Variants in GRM5 observed in about 807,000 individuals in gnomAD.
The protein encoded by GRM5 is glutamate metabotropic receptor 5, also known as metabotropic glutamate receptor 5.
In GRM5, 19 loss-of-function variants were observed where a neutral mutation model predicts 83.1. That is an observed-to-expected ratio of 0.23 (90% CI 0.16 to 0.34). GRM5 has a LOEUF of 0.34. GRM5 is among the 10% of genes least tolerant of loss of function. The pLI is 1.00. For missense variants in GRM5, 1,160 were observed against 1,588.3 expected, an observed-to-expected ratio of 0.73 and a Z score of 4.58; for synonymous variants, 675 against 633.6, an observed-to-expected ratio of 1.07 and a Z score of -0.98.
chr11:88,643,658 G>T (rs1223195196), intron 4 of GRM5, among the ~76,000 whole-genome samples: 1 of 152,052 alleles, frequency 6.6e-6, no homozygotes, highest in South Asian at 2.1e-4. Context: ...CTCAAATCTG[G>T]GTGTTAGCTG....
At chr11:89,011,651 A>G (rs1358584232) in intron 2 of GRM5, among the ~76,000 whole-genome samples, 1 of 152,204 alleles carries the variant, frequency 6.6e-6, no homozygotes, top group Admixed American at 6.5e-5. Flanking sequence ...GAGATGATAT[A>G]CTTGATAAGG....
rs1160205507 is a variant in GRM5, at chr11:88,967,231, G to GTATATATATATATACACATA, written c.661+79961_661+79980dup. On this transcript the variant is annotated intron_variant, in intron 2 of 9. Coordinates refer to ENST00000305447, the MANE Select transcript of GRM5 (RefSeq NM_001143831.3). The stretch of plus-strand genomic sequence containing the variant: ...TGTGTGTGTATATATGTGTGTGTAT[G>GTATATATATATATACACATA]TATATATATATATACACATATATAT... Among the ~76,000 whole-genome samples the GTATATATATATATACACATA allele has an allele frequency of 3.0e-5, 4 of 133,612 alleles. No individual in the cohort carries two copies. The Admixed American group carries it at 3.2e-4, about 11-fold the overall frequency. The allele number at this position is 133,612 out of a possible 152,430, so 87.7% of individuals were successfully genotyped here. A position where few individuals can be genotyped will look rare whatever the true frequency, so the allele number is the denominator to read the frequency against.
chr11:88,950,516 A>AT (rs1938424547), intron 2 of GRM5, among the ~76,000 whole-genome samples: 1 of 152,100 alleles, frequency 6.6e-6, no homozygotes, highest in Non-Finnish European at 1.5e-5. Flanking sequence ...AATGATAAGA[A>AT]TAAAAAAAAA....
At chr11:88,838,945 AG>A (rs1944143194) in intron 3 of GRM5, among the ~76,000 whole-genome samples, 2 of 151,388 alleles carry the variant, frequency 1.3e-5, no homozygotes, top group African/African-American at 4.9e-5. Context: ...CTCCAAATTT[AG>A]GAAGAAAGGC....
rs975609879 is a variant in GRM5 at position 88,899,859 on chromosome 11, G to A, written c.662-49704C>T. ...GCTGATTAAATTTATATGCAATTTT[G>A]GTAAGACATTGTTTTCTAGTTCCAC... On this transcript the variant is annotated intron_variant, in intron 2 of 9. Transcript: ENST00000305447. Among the ~76,000 whole-genome samples, 22 of 151,918 alleles carry A rather than the reference G, an allele frequency of 1.4e-4. 1 individual carries two copies. The highest frequency in any genetic ancestry group is 6.6e-5 in the Admixed American group (1 of 15,214).
Position 89,017,365 on chromosome 11 carries a change from A to G in GRM5, c.661+29847T>C, listed in dbSNP as rs556116282. Among the ~76,000 whole-genome samples, 14 of 152,348 alleles carry G rather than the reference A, an allele frequency of 9.2e-5. No individual in the cohort carries two copies. In the South Asian group the frequency reaches 2.3e-3, roughly 25 times the overall value. ...GTCATTCTTGAGACAGATTCATTCA[A>G]CAAAATTAAAAAACAAACAAGGCAT... On this transcript the variant is annotated intron_variant, in intron 2 of 9. Transcript: ENST00000305447.
intron 3 of GRM5, among the ~76,000 whole-genome samples, chr11:88,779,076 A>T (rs1942920837): frequency 6.6e-6 from 1 of 152,212 alleles, no homozygotes; most frequent in East Asian, 1.9e-4. Flanking sequence ...ATAGATGAAG[A>T]ACCTGATGCT....
chr11:89,046,211 G>T (rs1351375539), intron 2 of GRM5, among the ~76,000 whole-genome samples: 1 of 152,170 alleles, frequency 6.6e-6, no homozygotes, highest in Admixed American at 6.6e-5. Context: ...AACCTCTGAA[G>T]TGGGGTTAGT....
At chr11:88,564,618 C>G (rs1290844761) in intron 8 of GRM5, among the ~76,000 whole-genome samples, 1 of 151,956 alleles carries the variant, frequency 6.6e-6, no homozygotes, top group Non-Finnish European at 1.5e-5. Context: ...CATTTGAAGA[C>G]AAGCAAAAAA....
chr11:88,929,759 T>C (rs544176392), intron 2 of GRM5, among the ~76,000 whole-genome samples: 1 of 152,272 alleles, frequency 6.6e-6, no homozygotes, highest in South Asian at 2.1e-4. Context: ...GGCTTCTAAT[T>C]ACATATGAAT....
intron 3 of GRM5, among the ~76,000 whole-genome samples, chr11:88,723,857 T>C (rs1941607743): frequency 6.6e-6 from 1 of 152,262 alleles, no homozygotes; most frequent in South Asian, 2.1e-4. Context: ...TTTTATTTAT[T>C]TATTCCTTAC....
At chr11:88,905,330 T>C (rs1434969805) in intron 2 of GRM5, among the ~76,000 whole-genome samples, 2 of 152,150 alleles carry the variant, frequency 1.3e-5, no homozygotes, top group African/African-American at 4.8e-5. Flanking sequence ...TATTTATTCA[T>C]TAATTCATTC....
At chr11:88,627,866 G>A (rs745695054) in intron 4 of GRM5, among the ~76,000 whole-genome samples, 1 of 152,140 alleles carries the variant, frequency 6.6e-6, no homozygotes, top group Non-Finnish European at 1.5e-5. Flanking sequence ...TTTAAATATG[G>A]TTTTTGATTA....
chr11:89,049,207 G>A (rs1941706599), intron 1 of GRM5, among the ~76,000 whole-genome samples: 1 of 152,128 alleles, frequency 6.6e-6, no homozygotes, highest in Non-Finnish European at 1.5e-5. Context: ...CTAAAAGGAT[G>A]TATGTTTGGA....
rs529159089 is a variant in GRM5 at position 88,739,568 on chromosome 11, G to A, written c.912-86165C>T. ...TCTCGTCTTGAATTGTAATTCCCAC[G>A]TGGGGAGGGTGGAAAGTGTTTGGAT... On this transcript the variant is annotated intron_variant, in intron 3 of 9. Transcript: ENST00000305447. 9.2e-5 allele frequency among the ~76,000 whole-genome samples: 14 copies of A among 152,044 alleles called. No individual in the cohort carries two copies. In the East Asian group the frequency reaches 9.7e-4, roughly 11 times the overall value.
At chr11:88,818,688 G>A (rs905914978) in intron 3 of GRM5, among the ~76,000 whole-genome samples, 2 of 152,050 alleles carry the variant, frequency 1.3e-5, no homozygotes, top group Non-Finnish European at 2.9e-5. Context: ...TCTGAAAGTA[G>A]CTCTAATAAA....
chr11:89,034,379 A>G (rs1190091103), intron 2 of GRM5, among the ~76,000 whole-genome samples: 1 of 151,682 alleles, frequency 6.6e-6, no homozygotes, highest in East Asian at 1.9e-4. Context: ...ACACGACACA[A>G]TTTTTTTTAC....
At chr11:88,583,306 C>A (rs1943251561) in intron 7 of GRM5, among the ~76,000 whole-genome samples, 2 of 152,244 alleles carry the variant, frequency 1.3e-5, no homozygotes, top group Non-Finnish European at 1.5e-5. Context: ...GGCTTTTTTC[C>A]TCTTAAGTGA....
chr11:88,510,511 T>A (rs143772459), intron 9 of GRM5, among the ~76,000 whole-genome samples: 1 of 13,840 alleles, frequency 7.2e-5, no homozygotes. Flanking sequence ...ACACTCAAGA[T>A]TTTTTTTTTA....
Sources: gnomAD v4.1 joint callset for allele counts (sites outside exome capture counted in the v4.1 genomes callset) on GRCh38, gnomAD v4.1.1 for gene constraint, MANE v1.5 for transcripts, NCBI Gene and HGNC (gene_info 2026-07-23, HGNC 2026-07-21) for gene names.